Variants in FRMD5 observed in about 807,000 individuals in gnomAD.
The protein encoded by FRMD5 is FERM domain-containing protein 5.
In FRMD5, 20 loss-of-function variants were observed where a neutral mutation model predicts 69.0. The observed-to-expected ratio is 0.29, with a 90% CI of 0.20 to 0.42. The LOEUF (loss-of-function observed/expected upper bound fraction) is 0.42. Among genes scored for constraint, FRMD5 ranks in the 10% least tolerant of loss-of-function variants. The pLI, the probability that FRMD5 is intolerant of heterozygous loss-of-function variation, is 1.00. For missense variants in FRMD5, 595 were observed against 708.6 expected, an observed-to-expected ratio of 0.84 and a Z score of 1.82; for synonymous variants, 271 against 260.1, an observed-to-expected ratio of 1.04 and a Z score of -0.40.
In FRMD5 at chr15:44,002,841, A is replaced by G. The variant is rs570055306; in HGVS notation, c.103-78532T>C. On this transcript the variant is annotated intron_variant, in intron 1 of 13. Coordinates refer to ENST00000417257, the MANE Select transcript of FRMD5 (RefSeq NM_032892.5). Reference sequence around the variant, plus strand: ...CTTTCTCTGGAGGCAGAAACTGGGCATAAGACAATATGAGGGGTGGTCTCC... The same window carrying G: ...CTTTCTCTGGAGGCAGAAACTGGGCGTAAGACAATATGAGGGGTGGTCTCC... 4.6e-5 allele frequency among the ~76,000 whole-genome samples: 7 copies of G among 152,288 alleles called. No individual in the cohort carries two copies. The East Asian group carries it at 1.3e-3, about 29-fold the overall frequency.
chr15:44,146,198 C>T (rs574836781), intron 1 of FRMD5, among the ~76,000 whole-genome samples: 19 of 152,162 alleles, frequency 1.2e-4, no homozygotes, highest in South Asian at 8.3e-4. Context: ...GTTCCCCTTC[C>T]GTGTCCATGT....
In FRMD5 at chr15:43,874,190, T is replaced by C. The variant is rs200253000; in HGVS notation, c.1408A>G (p.Thr470Ala). ...KESEASTPTA[T>A]EVEALGGELR... The stretch of plus-strand genomic sequence containing the variant: ...TCTCCCCCAAGGGCCTCCACCTCTG[T>C]AGCAGTTGGGGTGCTGGCTTCAGAT... Residue 470 changes from threonine to alanine, a missense_variant, in exon 14 of 14, where the codon ACA becomes GCA. Transcript: ENST00000417257. 1.9e-6 allele frequency: 3 copies of C among 1,614,234 alleles called. No homozygotes were observed. Among genetic ancestry groups the C allele is most frequent in the African/African-American group, 2.7e-5 (2 of 75,062 alleles).
chr15:44,063,388 G>T, intron 1 of FRMD5: 1 of 183,826 alleles, frequency 5.4e-6, no homozygotes, highest in Non-Finnish European at 1.1e-5. Flanking sequence ...ATATAAAACA[G>T]TCTAAAGTCC....
rs549787417 is a variant in FRMD5 at position 43,885,471 on chromosome 15, C to T, written c.959+210G>A. Among the ~76,000 whole-genome samples the T allele has an allele frequency of 2.7e-4, 41 of 152,206 alleles. No homozygotes were observed. The East Asian group carries it at 6.8e-3, about 25-fold the overall frequency. ...GATTATAGGCATGAGCCACTATGGC[C>T]GGCCAATATACATTTAAAACCCTAC... On this transcript the variant is annotated intron_variant, in intron 11 of 13. Transcript: ENST00000417257.
At chr15:44,086,913 G>C (rs1362274731) in intron 1 of FRMD5, among the ~76,000 whole-genome samples, 1 of 152,104 alleles carries the variant, frequency 6.6e-6, no homozygotes, top group Admixed American at 6.6e-5. Context: ...ACTATGGAAA[G>C]GATTTCCATT....
rs187820587 is a variant in FRMD5 at position 44,133,718 on chromosome 15, T to C, written c.102+61235A>G. On this transcript the variant is annotated intron_variant, in intron 1 of 13. Coordinates refer to ENST00000417257, the MANE Select transcript of FRMD5 (RefSeq NM_032892.5). ...CTTAATTCTGACAAACCAGAAAGAATAGGTTGGTGTTGTAACGATAACAAA... is the reference window on the plus strand; with the variant it reads ...CTTAATTCTGACAAACCAGAAAGAACAGGTTGGTGTTGTAACGATAACAAA... Among the ~76,000 whole-genome samples, 19 of 151,750 alleles carry C rather than the reference T, an allele frequency of 1.3e-4. 1 individual carries two copies. Among genetic ancestry groups the C allele is most frequent in the Admixed American group, 1.2e-3 (19 of 15,236 alleles).
At chr15:43,968,654 T>G (rs1181098996) in intron 1 of FRMD5, among the ~76,000 whole-genome samples, 1 of 152,208 alleles carries the variant, frequency 6.6e-6, no homozygotes, top group Non-Finnish European at 1.5e-5. Flanking sequence ...TTTATTCTAC[T>G]ATGTATGAAC....
chr15:43,924,190 T>G lies in FRMD5; in HGVS notation c.207+15A>C. ...CTAGCCCTGTCCTCCTTTTGTGCTT[T>G]GAATATTGACTTACCCGCTGCTTAT... On this transcript the variant is annotated intron_variant, in intron 2 of 13. Coordinates refer to ENST00000417257, the MANE Select transcript of FRMD5 (RefSeq NM_032892.5). 1 of 1,582,220 alleles carries G rather than the reference T, an allele frequency of 6.3e-7. No homozygotes were observed.
chr15:44,098,394 G>A (rs954049058), intron 1 of FRMD5, among the ~76,000 whole-genome samples: 1 of 151,896 alleles, frequency 6.6e-6, no homozygotes, highest in Non-Finnish European at 1.5e-5. Flanking sequence ...GTGTGGTGGT[G>A]CATGCCTGTA....
intron 1 of FRMD5, among the ~76,000 whole-genome samples, chr15:43,970,991 T>C (rs2090366643): frequency 1.3e-5 from 2 of 152,250 alleles, no homozygotes; most frequent in South Asian, 4.1e-4. Flanking sequence ...GGTTCACACC[T>C]GTAATCCCAA....
In FRMD5 at chr15:43,943,434, G is replaced by A. The variant is rs150005850; in HGVS notation, c.103-19125C>T. ...AGTAGGCCCAGAACTGTAAGACCTT[G>A]GATATTTCATGATACTTTTAACTCA... On this transcript the variant is annotated intron_variant, in intron 1 of 13. Transcript: ENST00000417257. Among the ~76,000 whole-genome samples the A allele has an allele frequency of 3.3e-3, 501 of 152,250 alleles. 2 individuals are homozygous for A. Among genetic ancestry groups the A allele is most frequent in the Non-Finnish European group, 6.1e-3 (416 of 68,020 alleles).
chr15:44,083,718 T>G (rs1302286187), intron 1 of FRMD5, among the ~76,000 whole-genome samples: 8 of 151,980 alleles, frequency 5.3e-5, no homozygotes, highest in Non-Finnish European at 1.2e-4. Context: ...ACACATGGGA[T>G]CAAACTATGG....
intron 1 of FRMD5, among the ~76,000 whole-genome samples, chr15:44,074,162 A>G (rs1288083270): frequency 6.6e-6 from 1 of 152,226 alleles, no homozygotes; most frequent in Non-Finnish European, 1.5e-5. Flanking sequence ...TAAAATGAGT[A>G]GTTTAGACAA....
At chr15:44,004,473 T>C (rs542586623) in intron 1 of FRMD5, among the ~76,000 whole-genome samples, 2 of 152,250 alleles carry the variant, frequency 1.3e-5, no homozygotes, top group Admixed American at 6.5e-5. Flanking sequence ...GTGTCACACT[T>C]TGTTAAATCT....
intron 1 of FRMD5, among the ~76,000 whole-genome samples, chr15:43,990,966 A>G (rs1423237354): frequency 1.3e-5 from 2 of 152,244 alleles, no homozygotes; most frequent in African/African-American, 4.8e-5. Context: ...TAACTTAAAA[A>G]TGAACTTACA....
intron 1 of FRMD5, among the ~76,000 whole-genome samples, chr15:44,094,431 G>A (rs771533050): frequency 3.9e-5 from 6 of 152,006 alleles, no homozygotes; most frequent in East Asian, 1.9e-4. Flanking sequence ...AGGCTAGCTC[G>A]AGTTCTTCTC....
upstream of FRMD5, among the ~76,000 whole-genome samples, chr15:44,195,499 G>T (rs559760836): frequency 6.6e-6 from 1 of 152,342 alleles, no homozygotes; most frequent in South Asian, 2.1e-4. Context: ...TCTCCGCCCC[G>T]TGGTTCCTAT....
At chr15:43,908,327 CAAAAA>C (rs58337379) in intron 5 of FRMD5, among the ~76,000 whole-genome samples, 10 of 107,942 alleles carry the variant, frequency 9.3e-5, no homozygotes, top group Admixed American at 9.8e-5. Context: ...GATCCTGTCT[CAAAAA>C]AAAAAAAAAA....
At chr15:43,944,126 A>C (rs1388342498) in intron 1 of FRMD5, among the ~76,000 whole-genome samples, 1 of 152,196 alleles carries the variant, frequency 6.6e-6, no homozygotes, top group Non-Finnish European at 1.5e-5. Flanking sequence ...TAAAGAAAGG[A>C]AATTTATTTC....
Sources: gnomAD v4.1 joint callset for allele counts (sites outside exome capture counted in the v4.1 genomes callset) on GRCh38, gnomAD v4.1.1 for gene constraint, MANE v1.5 for transcripts, NCBI Gene and HGNC (gene_info 2026-07-23, HGNC 2026-07-21) for gene names.